Variants in DAB1 observed in about 807,000 individuals in gnomAD.
DAB1 encodes the protein DAB adaptor protein 1.
A neutral mutation model predicts 64.6 loss-of-function variants in DAB1; 15 were observed. The observed-to-expected ratio is 0.23, with a 90% CI of 0.16 to 0.36. The LOEUF (loss-of-function observed/expected upper bound fraction) is 0.36. DAB1 is among the 10% of genes least tolerant of loss of function. The probability of loss-of-function intolerance (pLI) is 1.00; values close to 1 mark genes in which losing one functional copy is unlikely to be tolerated. For missense variants in DAB1, 596 were observed against 706.7 expected (o/e 0.84, Z 1.78); for synonymous variants, 235 against 251.9 (o/e 0.93, Z 0.64).
At chr1:57,329,429 T>C (rs1278382195) in intron 1 of DAB1, among the ~76,000 whole-genome samples, 1 of 152,214 alleles carries the variant, frequency 6.6e-6, no homozygotes, top group Non-Finnish European at 1.5e-5. Context: ...GTACTTTATA[T>C]TGGCGCTAGT....
At chr1:57,122,220 A>T (rs1656729816) in intron 4 of DAB1, among the ~76,000 whole-genome samples, 1 of 152,188 alleles carries the variant, frequency 6.6e-6, no homozygotes, top group African/African-American at 2.4e-5. Flanking sequence ...CTCGGCTGCT[A>T]GATTATGAAG....
intron 7 of DAB1, among the ~76,000 whole-genome samples, chr1:57,612,211 G>A (rs1026855367): frequency 3.3e-5 from 5 of 151,688 alleles, no homozygotes; most frequent in South Asian, 2.1e-4. Flanking sequence ...GTGTGTGTGT[G>A]TGTGTGTGCA....
intron 3 of DAB1, among the ~76,000 whole-genome samples, chr1:58,436,703 C>T (rs910634366): frequency 1.3e-5 from 2 of 152,180 alleles, no homozygotes; most frequent in East Asian, 1.9e-4. Context: ...CAATTAAGAA[C>T]GTTTGTATCC....
intron 2 of DAB1, among the ~76,000 whole-genome samples, chr1:57,159,238 T>C (rs764397505): frequency 5.3e-5 from 8 of 152,216 alleles, no homozygotes; most frequent in Non-Finnish European, 1.2e-4. Flanking sequence ...CTGTAGGACA[T>C]TATTAATAAA....
intron 1 of DAB1, among the ~76,000 whole-genome samples, chr1:57,315,792 G>A (rs148761259): frequency 0.01 from 1,564 of 152,226 alleles, 28 homozygotes; most frequent in African/African-American, 0.037. Flanking sequence ...ATGAGCCACC[G>A]CGCCCGGCCA....
intron 6 of DAB1, among the ~76,000 whole-genome samples, chr1:57,689,522 G>A (rs897357865): frequency 2.0e-5 from 3 of 152,172 alleles, no homozygotes; most frequent in Non-Finnish European, 1.5e-5. Context: ...ATTTGACATA[G>A]TACCTAAAGA....
chr1:58,340,588 T>G (rs1187153900), intron 4 of DAB1, among the ~76,000 whole-genome samples: 1 of 152,190 alleles, frequency 6.6e-6, no homozygotes, highest in Non-Finnish European at 1.5e-5. Flanking sequence ...CTCCCTCATC[T>G]AGAATGGATA....
chr1:58,276,168 G>A (rs1661438037), intron 4 of DAB1, among the ~76,000 whole-genome samples: 1 of 152,188 alleles, frequency 6.6e-6, no homozygotes, highest in South Asian at 2.1e-4. Flanking sequence ...TGGGGAAGGA[G>A]TGGAGAGTTG....
At position 58,056,520 on chromosome 1, in the gene DAB1, A is replaced by C. The variant is rs745994682; in HGVS notation, n.387+93991T>G. ...CCAGAGAGAGCTCATGTGCATTCTTAATGTTGGGTTATGTCACCTTGCTCA... is the reference window on the plus strand; with the variant it reads ...CCAGAGAGAGCTCATGTGCATTCTTCATGTTGGGTTATGTCACCTTGCTCA... On this transcript the variant is annotated intron_variant and non_coding_transcript_variant, in intron 5 of 20. Transcript: ENST00000485760. 3 of 1,063,128 alleles carry C rather than the reference A, an allele frequency of 2.8e-6. No individual in the cohort carries two copies. In the East Asian group the frequency reaches 7.1e-5, roughly 25 times the overall value. 65.9% of individuals were successfully genotyped at this position (1,063,128 alleles called of 1,614,324 possible). A position where few individuals can be genotyped will look rare whatever the true frequency, so the allele number is the denominator to read the frequency against.
chr1:57,065,701 C>T (rs374003231), intron 8 of DAB1, among the ~76,000 whole-genome samples: 1 of 152,180 alleles, frequency 6.6e-6, no homozygotes, highest in Admixed American at 6.5e-5. Context: ...GTTTTAGAGA[C>T]ATAAAAGTTT....
At chr1:58,136,222 G>C (rs1218318403) in intron 5 of DAB1, among the ~76,000 whole-genome samples, 1 of 152,214 alleles carries the variant, frequency 6.6e-6, no homozygotes, top group Non-Finnish European at 1.5e-5. Flanking sequence ...TAAGCAGCTA[G>C]TTGTGTGTAA....
chr1:57,948,071 CT>C (rs143892097), intron 5 of DAB1, among the ~76,000 whole-genome samples: 1,778 of 152,322 alleles, frequency 0.012, 34 homozygotes, highest in African/African-American at 0.041. Flanking sequence ...TCTACAACTT[CT>C]GCCTCTCACC....
chr1:58,202,367 A>G (rs1658043269), intron 4 of DAB1, among the ~76,000 whole-genome samples: 1 of 152,234 alleles, frequency 6.6e-6, no homozygotes, highest in African/African-American at 2.4e-5. Flanking sequence ...TTTGCACTTC[A>G]TAGACAAAAC....
At chr1:57,194,271 C>T (rs1344489004) in intron 2 of DAB1, among the ~76,000 whole-genome samples, 1 of 152,136 alleles carries the variant, frequency 6.6e-6, no homozygotes, top group East Asian at 1.9e-4. Context: ...TGTGGAAATG[C>T]TTCTCAGAGC....
intron 4 of DAB1, among the ~76,000 whole-genome samples, chr1:58,230,867 C>T (rs1659745725): frequency 6.6e-6 from 1 of 152,198 alleles, no homozygotes; most frequent in Non-Finnish European, 1.5e-5. Flanking sequence ...GTAGGAATTA[C>T]AGCACCATGG....
intron 4 of DAB1, among the ~76,000 whole-genome samples, chr1:57,114,119 C>T (rs1655903030): frequency 6.6e-6 from 1 of 152,172 alleles, no homozygotes; most frequent in Non-Finnish European, 1.5e-5. Flanking sequence ...AACTGGGGAT[C>T]ACTCACTATG....
At chr1:57,773,344 TACAC>T (rs60059518) in intron 6 of DAB1, among the ~76,000 whole-genome samples, 91 of 147,658 alleles carry the variant, frequency 6.2e-4, no homozygotes, top group South Asian at 1.7e-3. Context: ...TTGAGTTGTA[TACAC>T]ACACACACAC....
chr1:57,239,557 C>T (rs966277376), intron 2 of DAB1, among the ~76,000 whole-genome samples: 1 of 152,140 alleles, frequency 6.6e-6, no homozygotes, highest in Non-Finnish European at 1.5e-5. Context: ...GACCTATAGC[C>T]GGCCTTTCAC....
intron 7 of DAB1, among the ~76,000 whole-genome samples, chr1:57,570,487 A>G (rs1313764491): frequency 2.6e-5 from 4 of 151,896 alleles, no homozygotes; most frequent in Non-Finnish European, 5.9e-5. Context: ...GTTGACTGTA[A>G]GTATTTGGCT....
Sources: allele counts gnomAD v4.1 joint callset (sites outside exome capture counted in the v4.1 genomes callset), GRCh38; gene constraint gnomAD v4.1.1; transcripts MANE v1.5; gene names NCBI Gene and HGNC (gene_info 2026-07-23, HGNC 2026-07-21).